NAT1: variants seen among roughly 807,000 people sequenced by gnomAD.
NAT1 encodes the protein N-acetyltransferase 1, also known as arylamine N-acetyltransferase 1.
For synonymous variants in NAT1, 144 were observed against 122.6 expected (o/e 1.17, Z -1.16); for missense variants, 400 against 339.2 (o/e 1.18, Z -1.41).
upstream of NAT1, among the ~76,000 whole-genome samples, chr8:18,209,031 G>C (rs28359473): frequency 2.0e-5 from 3 of 152,224 alleles, no homozygotes; most frequent in African/African-American, 7.2e-5. Flanking sequence ...TCATTGGCAA[G>C]CTACCTGTGA....
In NAT1 at chr8:18,185,614, T is replaced by A. The variant is rs80173739; in HGVS notation, n.92+14875T>A. On this transcript the variant is annotated intron_variant and non_coding_transcript_variant, in intron 2 of 4. Coordinates refer to the NAT1 transcript ENST00000517441. ...TCTTTAAAAACAAAACAAATCTTAA[T>A]GTTGTTGTTTTCTTTTTCATAATTT... Among the ~76,000 whole-genome samples the A allele has an allele frequency of 9.9e-5, 15 of 152,236 alleles. No individual in the cohort carries two copies. The East Asian group carries it at 2.9e-3, about 29-fold the overall frequency.
chr8:18,178,486 T>C (rs1035754433), intron 2 of NAT1, among the ~76,000 whole-genome samples: 1 of 152,134 alleles, frequency 6.6e-6, no homozygotes, highest in Admixed American at 6.6e-5. Context: ...GGATTGAGGT[T>C]CTATTTTTGG....
At chr8:18,199,278 C>T (rs1469926878) in intron 2 of NAT1, among the ~76,000 whole-genome samples, 2 of 147,128 alleles carry the variant, frequency 1.4e-5, no homozygotes, top group Non-Finnish European at 1.5e-5. Context: ...TGCAACACTG[C>T]ACTCCAGCCT....
At chr8:18,182,821 A>G (rs7830449) in intron 2 of NAT1, among the ~76,000 whole-genome samples, 47,380 of 152,004 alleles carry the variant, frequency 0.31, 8,643 homozygotes, top group African/African-American at 0.51. Flanking sequence ...ATACTGATAA[A>G]CTTAGGAATA....
At chr8:18,184,231 C>T (rs967517193) in intron 2 of NAT1, among the ~76,000 whole-genome samples, 1 of 152,176 alleles carries the variant, frequency 6.6e-6, no homozygotes, top group Admixed American at 6.5e-5. Context: ...GAATTAGAAC[C>T]ACATAGATGC....
upstream of NAT1, among the ~76,000 whole-genome samples, chr8:18,206,389 C>T (rs1314658946): frequency 2.0e-5 from 3 of 152,164 alleles, no homozygotes; most frequent in African/African-American, 4.8e-5. Context: ...AGCTGTTTTA[C>T]GTGGCTGCAT....
At chr8:18,196,311 C>T (rs1450756126) in intron 2 of NAT1, among the ~76,000 whole-genome samples, 3 of 151,916 alleles carry the variant, frequency 2.0e-5, no homozygotes, top group Admixed American at 2.0e-4. Flanking sequence ...AATAAATGCC[C>T]CAAGAATAAT....
intron 2 of NAT1, among the ~76,000 whole-genome samples, chr8:18,192,359 G>T (rs939293047): frequency 1.3e-5 from 2 of 152,246 alleles, no homozygotes; most frequent in South Asian, 2.1e-4. Context: ...GGAGCGGATG[G>T]GGAGAAATAG....
At chr8:18,198,504 C>T (rs532306131) in intron 2 of NAT1, among the ~76,000 whole-genome samples, 5 of 152,308 alleles carry the variant, frequency 3.3e-5, no homozygotes, top group African/African-American at 1.2e-4. Context: ...GGTTAAATCA[C>T]TCTTTCCAGC....
At chr8:18,210,647 A>G (rs187228201) in intron 1 of NAT1, among the ~76,000 whole-genome samples, 108 of 152,328 alleles carry the variant, frequency 7.1e-4, no homozygotes, top group Middle Eastern at 3.4e-3. Flanking sequence ...GACCCAGTTA[A>G]TCCTACAGGC....
chr8:18,182,796 G>C (rs965762034), intron 2 of NAT1, among the ~76,000 whole-genome samples: 4 of 151,964 alleles, frequency 2.6e-5, no homozygotes, highest in Non-Finnish European at 4.4e-5. Context: ...GATTTAGATG[G>C]GGATTTCATT....
chr8:18,191,606 A>G (rs2117258528), intron 2 of NAT1, among the ~76,000 whole-genome samples: 2 of 152,248 alleles, frequency 1.3e-5, no homozygotes, highest in African/African-American at 4.8e-5. Context: ...ACAAGGCTAC[A>G]GTAACCAAAA....
intron 2 of NAT1, among the ~76,000 whole-genome samples, chr8:18,204,245 A>T (rs1475476433): frequency 6.6e-6 from 1 of 151,606 alleles, no homozygotes; most frequent in Non-Finnish European, 1.5e-5. Context: ...TCCTTAACTC[A>T]CCCACATGTA....
chr8:18,185,969 G>A (rs1802716811), intron 2 of NAT1, among the ~76,000 whole-genome samples: 1 of 151,936 alleles, frequency 6.6e-6, no homozygotes. Flanking sequence ...TCCTCTTTTT[G>A]TTATTGGTTT....
Position 18,200,177 on chromosome 8 carries a change from A to G in NAT1, n.93-9604A>G, listed in dbSNP as rs552260061. Among the ~76,000 whole-genome samples the G allele has an allele frequency of 2.0e-5, 3 of 152,238 alleles. No homozygotes were observed. In the South Asian group the frequency reaches 6.2e-4, roughly 31 times the overall value. ...AAACAAAATGACCATTTGACCCAGCAATCCTATTATTGGGTGTATACCCAA... is the reference window on the plus strand; with the variant it reads ...AAACAAAATGACCATTTGACCCAGCGATCCTATTATTGGGTGTATACCCAA... On this transcript the variant is annotated intron_variant and non_coding_transcript_variant, in intron 2 of 4. Coordinates refer to the NAT1 transcript ENST00000517441.
At chr8:18,187,690 T>C (rs906356026) in intron 2 of NAT1, among the ~76,000 whole-genome samples, 2 of 151,666 alleles carry the variant, frequency 1.3e-5, no homozygotes, top group Non-Finnish European at 2.9e-5. Context: ...TAACACACAC[T>C]GGGGCCTACT....
Position 18,222,675 on chromosome 8 carries a change from C to T in NAT1, c.628C>T (p.Gln210Ter), listed in dbSNP as rs767176233. The change falls in exon 3 of 3, where the codon CAG becomes TAG. Residue 210 changes from glutamine to a stop codon, truncating the protein, a stop_gained. Coordinates refer to ENST00000307719, the MANE Select transcript of NAT1 (RefSeq NM_000662.8). LOFTEE classifies it low-confidence loss of function (END_TRUNC). ...TTTTGAGTCTATGAATACATACCTG[C>T]AGACATCTCCATCATCTGTGTTTAC... Reference protein sequence around the residue: ...EDFESMNTYLQTSPSSVFTSK... With the variant: ...EDFESMNTYL 2 of 1,613,974 alleles carry T rather than the reference C, an allele frequency of 1.2e-6. No individual in the cohort carries two copies. The highest frequency in any genetic ancestry group is 2.2e-5 in the South Asian group (2 of 91,032).
intron 2 of NAT1, among the ~76,000 whole-genome samples, chr8:18,195,808 G>A (rs113634269): frequency 0.021 from 3,165 of 152,008 alleles, 93 homozygotes; most frequent in African/African-American, 0.071. Context: ...TTTCAAAGTC[G>A]TGTTCAGGAA....
chr8:18,184,681 G>A (rs767305344), intron 2 of NAT1, among the ~76,000 whole-genome samples: 4 of 152,112 alleles, frequency 2.6e-5, no homozygotes, highest in Admixed American at 6.5e-5. Flanking sequence ...CAACAGTAGT[G>A]GGAGGCAGGG....
Sources: gnomAD v4.1 joint callset for allele counts (sites outside exome capture counted in the v4.1 genomes callset) on GRCh38, gnomAD v4.1.1 for gene constraint, MANE v1.5 for transcripts, NCBI Gene and HGNC (gene_info 2026-07-23, HGNC 2026-07-21) for gene names.